The following ATP2B2 variants were observed in gnomAD, a reference collection of about 807,000 sequenced individuals.
ATP2B2 encodes plasma membrane calcium-transporting ATPase 2.
In ATP2B2, 15 loss-of-function variants were observed where a neutral mutation model predicts 120.0. The observed-to-expected ratio is 0.12, with a 90% CI of 0.08 to 0.19. The LOEUF (loss-of-function observed/expected upper bound fraction) is 0.19. Among genes scored for constraint, ATP2B2 ranks in the 10% least tolerant of loss-of-function variants. ATP2B2 has a pLI of 1.00. For synonymous variants in ATP2B2, 694 were observed against 700.3 expected (o/e 0.99, Z 0.14); for missense variants, 1,045 against 1,719.8 (o/e 0.61, Z 6.94).
In ATP2B2 at chr3:10,340,525, A is replaced by G. The variant is rs2060246066; in HGVS notation, c.3097T>C (p.Cys1033Arg). ...GCAAAGGTGCCCAGCACGATGGTGC[A>G]GAAGATGGGGTTCCGGAAGATGCCG... ...FDGIFRNPIF[C>R]TIVLGTFAIQ... The change falls in exon 20 of 23, where the codon TGC becomes CGC. Residue 1033 changes from cysteine (C) to arginine (R), a missense_variant. Cys to Arg is a radical substitution (Grantham distance 180). Transcript: ENST00000360273. This position sits in a 1 kb window ranked among gnomAD's most constrained non-coding sequence, Gnocchi z 5.0. 6.2e-7 allele frequency: 1 copy of G among 1,614,270 alleles called. No homozygotes were observed.
chr3:10,620,348 G>C (rs2069511248), intron 1 of ATP2B2, among the ~76,000 whole-genome samples: 1 of 152,196 alleles, frequency 6.6e-6, no homozygotes, highest in Admixed American at 6.5e-5. Flanking sequence ...AGAAATCAAG[G>C]GTGAGAAGGT....
At chr3:10,606,935 AGAGGGAGAGGGAGAGG>A (rs1460260295) in intron 2 of ATP2B2, among the ~76,000 whole-genome samples, 18 of 75,484 alleles carry the variant, frequency 2.4e-4, no homozygotes, top group South Asian at 1.2e-3. Context: ...AGAGAGAGAG[AGAGGGAGAGGGAGAGG>A]GGGAGGGGGG....
chr3:10,409,961 T>C (rs1458293579), intron 3 of ATP2B2, among the ~76,000 whole-genome samples: 1 of 152,168 alleles, frequency 6.6e-6, no homozygotes, highest in African/African-American at 2.4e-5. Context: ...AGGGTCGCCC[T>C]CACCTGTGTG....
At chr3:10,625,768 A>G (rs993570231) in intron 1 of ATP2B2, among the ~76,000 whole-genome samples, 2 of 152,036 alleles carry the variant, frequency 1.3e-5, no homozygotes, top group African/African-American at 2.4e-5. Flanking sequence ...TGGGAGGCAC[A>G]CTCTGGGACA....
At chr3:10,368,239 C>T (rs2061123960) in intron 12 of ATP2B2, among the ~76,000 whole-genome samples, 1 of 151,828 alleles carries the variant, frequency 6.6e-6, no homozygotes, top group Non-Finnish European at 1.5e-5. Context: ...TGGATCAATG[C>T]TGCCTGGATG....
intron 2 of ATP2B2, among the ~76,000 whole-genome samples, chr3:10,579,162 C>T (rs1386055047): frequency 1.3e-5 from 2 of 152,204 alleles, no homozygotes; most frequent in Non-Finnish European, 2.9e-5. Context: ...GACCATGAGT[C>T]CTGCTCATAG....
chr3:10,577,359 G>C (rs942117639), intron 2 of ATP2B2, among the ~76,000 whole-genome samples: 3 of 152,210 alleles, frequency 2.0e-5, no homozygotes, highest in Non-Finnish European at 4.4e-5. Context: ...TTTATGGAAA[G>C]TGGCAAGAGT....
Position 10,438,074 on chromosome 3 carries a change from G to C in ATP2B2, c.199+11271C>G, listed in dbSNP as rs138620611. On this transcript the variant is annotated intron_variant, in intron 2 of 22. Transcript: ENST00000360273. Reference sequence around the variant, plus strand: ...GAGGTTGCAGGGGAGAGCAGGGAGGGGGGTGGCGGGTGTCTCTGCCCCCTG... The same window carrying C: ...GAGGTTGCAGGGGAGAGCAGGGAGGCGGGTGGCGGGTGTCTCTGCCCCCTG... Among the ~76,000 whole-genome samples, 203 of 152,260 alleles carry C rather than the reference G, an allele frequency of 1.3e-3. 2 individuals carry two copies. In the East Asian group the frequency reaches 0.018, roughly 13 times the overall value.
intron 1 of ATP2B2, among the ~76,000 whole-genome samples, chr3:10,680,797 G>A (rs1301675767): frequency 1.3e-5 from 2 of 152,168 alleles, no homozygotes; most frequent in East Asian, 1.9e-4. Flanking sequence ...CTGAAGGCTG[G>A]ATGTCCCAGT....
chr3:10,354,541 AC>A (rs2060661005), intron 14 of ATP2B2, among the ~76,000 whole-genome samples: 2 of 152,014 alleles, frequency 1.3e-5, no homozygotes, highest in Admixed American at 1.3e-4. Flanking sequence ...GGCTTCAAAC[AC>A]CCCCGGATAA....
chr3:10,669,604 C>A (rs182357171), intron 1 of ATP2B2, among the ~76,000 whole-genome samples: 207 of 152,280 alleles, frequency 1.4e-3, no homozygotes, highest in African/African-American at 4.7e-3. Flanking sequence ...GCCCAGGCAC[C>A]CATAAATATT....
chr3:10,503,135 G>A (rs940148829), intron 1 of ATP2B2, among the ~76,000 whole-genome samples: 1 of 152,272 alleles, frequency 6.6e-6, no homozygotes, highest in African/African-American at 2.4e-5. Flanking sequence ...CAGCACAGGA[G>A]GGTGCCAGCA....
At chr3:10,386,223 G>A (rs922084584) in intron 7 of ATP2B2, among the ~76,000 whole-genome samples, 2 of 152,130 alleles carry the variant, frequency 1.3e-5, no homozygotes, top group South Asian at 2.1e-4. Flanking sequence ...TAAGGGTGGT[G>A]TAGAGATGGG....
At chr3:10,332,899 AG>A (rs34712966) in intron 22 of ATP2B2, among the ~76,000 whole-genome samples, 2,810 of 152,288 alleles carry the variant, frequency 0.018, 81 homozygotes, top group African/African-American at 0.063. Flanking sequence ...AGTGGGGCTC[AG>A]GTATAAGGCA....
chr3:10,445,521 C>T (rs560397846), intron 2 of ATP2B2, among the ~76,000 whole-genome samples: 1 of 152,170 alleles, frequency 6.6e-6, no homozygotes, highest in Non-Finnish European at 1.5e-5. Context: ...CACAGGGGGG[C>T]AGGTTTACCC....
chr3:10,689,999 G>A (rs2071619190), intron 1 of ATP2B2, among the ~76,000 whole-genome samples: 1 of 152,194 alleles, frequency 6.6e-6, no homozygotes, highest in Admixed American at 6.5e-5. Context: ...GCCAGTGCCT[G>A]CCAATCCACT....
At chr3:10,673,658 C>T (rs563180098) in intron 1 of ATP2B2, among the ~76,000 whole-genome samples, 3 of 151,626 alleles carry the variant, frequency 2.0e-5, no homozygotes, top group African/African-American at 7.2e-5. Context: ...ACAAATTAGC[C>T]AGGTGTGGTG....
chr3:10,674,240 C>A (rs1364852996), intron 1 of ATP2B2, among the ~76,000 whole-genome samples: 4 of 152,214 alleles, frequency 2.6e-5, no homozygotes, highest in African/African-American at 9.7e-5. Context: ...TTGGTCCTCT[C>A]AGCCACCTAC....
At chr3:10,434,158 A>G (rs2063407310) in intron 2 of ATP2B2, among the ~76,000 whole-genome samples, 1 of 152,264 alleles carries the variant, frequency 6.6e-6, no homozygotes, top group African/African-American at 2.4e-5. Context: ...CAGAACATCT[A>G]TACTCTCAGG....
Sources: gnomAD v4.1 joint callset for allele counts (sites outside exome capture counted in the v4.1 genomes callset) on GRCh38, gnomAD v4.1.1 for gene constraint, Gnocchi (gnomAD v3.1) non-coding constraint, MANE v1.5 for transcripts, NCBI Gene and HGNC (gene_info 2026-07-23, HGNC 2026-07-21) for gene names.